Variants in ALK observed in about 807,000 individuals in gnomAD.
ALK encodes the protein ALK receptor tyrosine kinase.
ALK carries 74 observed loss-of-function variants against 163.1 expected under a neutral mutation model. The observed-to-expected ratio is 0.45, with a 90% CI of 0.38 to 0.55. The LOEUF is 0.55. Among genes scored for constraint, ALK ranks in the 20% least tolerant of loss-of-function variants. The pLI, the probability that ALK is intolerant of heterozygous loss-of-function variation, is 0.00. For missense variants in ALK, 2,063 were observed against 2,105.3 expected, an observed-to-expected ratio of 0.98 and a Z score of 0.39; for synonymous variants, 960 against 843.2, an observed-to-expected ratio of 1.14 and a Z score of -2.40.
chr2:29,647,114 C>T (rs1046976892), intron 3 of ALK, among the ~76,000 whole-genome samples: 1 of 152,146 alleles, frequency 6.6e-6, no homozygotes, highest in Non-Finnish European at 1.5e-5. Flanking sequence ...TCACATTCTT[C>T]TGGGCTTGGC....
intron 4 of ALK, among the ~76,000 whole-genome samples, chr2:29,445,895 C>G (rs1356340102): frequency 6.7e-6 from 1 of 150,284 alleles, no homozygotes; most frequent in African/African-American, 2.5e-5. Context: ...GTCAGGAGAT[C>G]GAGACCATCC....
chr2:29,425,963 C>A (rs1284484531), intron 4 of ALK, among the ~76,000 whole-genome samples: 1 of 152,108 alleles, frequency 6.6e-6, no homozygotes, highest in African/African-American at 2.4e-5. Context: ...TGAGAAAAAA[C>A]CTTCAAAGAG....
At chr2:29,847,901 T>G (rs1273337635) in intron 1 of ALK, among the ~76,000 whole-genome samples, 1 of 148,346 alleles carries the variant, frequency 6.7e-6, no homozygotes, top group Non-Finnish European at 1.5e-5. Flanking sequence ...GTGGGGGAGG[T>G]GTAAGAAGGA....
chr2:29,247,961 T>G (rs1664726838), intron 12 of ALK, among the ~76,000 whole-genome samples: 1 of 152,170 alleles, frequency 6.6e-6, no homozygotes, highest in African/African-American at 2.4e-5. Flanking sequence ...AAAAAGTCTT[T>G]CAGAGAAAGG....
chr2:29,574,552 G>C (rs567867280), intron 3 of ALK, among the ~76,000 whole-genome samples: 1 of 152,348 alleles, frequency 6.6e-6, no homozygotes, highest in African/African-American at 2.4e-5. Flanking sequence ...TCATATTTCA[G>C]CTTCCAAACA....
intron 4 of ALK, among the ~76,000 whole-genome samples, chr2:29,409,345 G>A (rs1218031902): frequency 1.3e-5 from 2 of 152,136 alleles, no homozygotes; most frequent in Non-Finnish European, 2.9e-5. Flanking sequence ...TCTCTGCAGA[G>A]AGCTTGTTCA....
chr2:29,735,901 G>C (rs1269237155), intron 1 of ALK, among the ~76,000 whole-genome samples: 1 of 151,948 alleles, frequency 6.6e-6, no homozygotes, highest in African/African-American at 2.4e-5. Flanking sequence ...ACCCAGTCTG[G>C]GGCAGTTCTT....
intron 4 of ALK, among the ~76,000 whole-genome samples, chr2:29,460,955 G>A (rs1026636242): frequency 3.3e-5 from 5 of 152,164 alleles, no homozygotes; most frequent in African/African-American, 1.2e-4. Context: ...AAAGTTCTTG[G>A]AGGACTTTTA....
rs369125528 is a variant in ALK at position 29,690,152 on chromosome 2, A to C, written c.952+4698T>G. ...TGAATGACCCCATTCTGCTGTTGCAATACCCTAGTCATGTGTGAAAGCATC... is the reference window on the plus strand; with the variant it reads ...TGAATGACCCCATTCTGCTGTTGCACTACCCTAGTCATGTGTGAAAGCATC... On this transcript the variant is annotated intron_variant, in intron 3 of 28. Transcript: ENST00000389048. 4.4e-4 allele frequency among the ~76,000 whole-genome samples: 67 copies of C among 152,320 alleles called. 2 individuals are homozygous for C. The South Asian group carries it at 0.01, about 24-fold the overall frequency.
At chr2:29,434,325 T>C (rs80136683) in intron 4 of ALK, among the ~76,000 whole-genome samples, 2,164 of 152,320 alleles carry the variant, frequency 0.014, 30 homozygotes, top group African/African-American at 0.05. Context: ...TTGAGGATAG[T>C]TCATTCCTTT....
In ALK at chr2:29,523,858, GTTTTT is replaced by G. The variant is rs58587837; in HGVS notation, c.1154+8052_1154+8056del. ...AGGTCAGAACTGGCAGAAGCTGAAG[GTTTTT>G]TTTTTTTTTTTTTTTTTTTTTTTTT... On this transcript the variant is annotated intron_variant, in intron 4 of 28. Transcript: ENST00000389048. 1.4e-3 allele frequency among the ~76,000 whole-genome samples: 160 copies of G among 110,942 alleles called. 10 individuals carry two copies. Among genetic ancestry groups the G allele is most frequent in the East Asian group, 4.3e-3 (16 of 3,728 alleles). The allele number at this position is 110,942 out of a possible 152,430, so 72.8% of individuals were successfully genotyped here.
chr2:29,911,989 TAAATAATTATATC>T (rs1667715115), intron 1 of ALK, among the ~76,000 whole-genome samples: 1 of 152,040 alleles, frequency 6.6e-6, no homozygotes, highest in Admixed American at 6.6e-5. Context: ...ATATCTAAAG[TAAATAATTATATC>T]AGAATGGAGA....
At chr2:29,453,410 T>C (rs1357509340) in intron 4 of ALK, among the ~76,000 whole-genome samples, 1 of 151,984 alleles carries the variant, frequency 6.6e-6, no homozygotes, top group Non-Finnish European at 1.5e-5. Context: ...TTTTTTTTAA[T>C]TTTTTGGTAG....
intron 4 of ALK, among the ~76,000 whole-genome samples, chr2:29,448,842 C>T (rs1172331976): frequency 1.3e-5 from 2 of 152,174 alleles, no homozygotes; most frequent in Admixed American, 6.5e-5. Context: ...CACCTGAATC[C>T]TCTTAGAAAA....
At chr2:29,406,407 C>T (rs912517749) in intron 4 of ALK, among the ~76,000 whole-genome samples, 12 of 152,158 alleles carry the variant, frequency 7.9e-5, no homozygotes, top group African/African-American at 2.7e-4. Flanking sequence ...TGAGAATCTA[C>T]GAGGCTATGA....
chr2:29,193,793 G>A lies in ALK; in HGVS notation c.4294C>T (p.Arg1432Trp), dbSNP rs1668950917. 1.3e-6 allele frequency: 2 copies of A among 1,595,692 alleles called. No homozygotes were observed. The highest frequency in any genetic ancestry group is 1.1e-5 in the South Asian group (1 of 88,434). ...PPLLVSQQAK[R>W]EEERSPAAPP... ...GCAGCTGGGCTGCGCTCCTCCTCCC[G>A]TTTTGCCTGTTGAGAGACCAGGAGA... is the stretch of plus-strand genomic sequence containing the variant. The change falls in exon 29 of 29, where the codon CGG (arginine) becomes TGG (tryptophan). Residue 1432 changes from arginine (R) to tryptophan (W), a missense_variant. By Grantham distance (101) the Arg-to-Trp change is moderately radical (BLOSUM62 -3). Transcript: ENST00000389048.
intron 4 of ALK, among the ~76,000 whole-genome samples, chr2:29,519,730 G>A (rs969660261): frequency 6.6e-6 from 1 of 152,152 alleles, no homozygotes; most frequent in Non-Finnish European, 1.5e-5. Flanking sequence ...AAGCTCCCAG[G>A]GCAGGTGACC....
chr2:29,668,682 G>C lies in ALK; in HGVS notation c.952+26168C>G, dbSNP rs1677590676. On this transcript the variant is annotated intron_variant, in intron 3 of 28. Coordinates refer to ENST00000389048, the MANE Select transcript of ALK (RefSeq NM_004304.5). ...GGCCTAACATATGATCTATTCTGGA[G>C]AATATTCCACGTGTTGATTAGTTTA... Among the ~76,000 whole-genome samples, 3 of 152,100 alleles carry C rather than the reference G, an allele frequency of 2.0e-5. No individual in the cohort carries two copies. In the South Asian group the frequency reaches 6.2e-4, roughly 31 times the overall value.
chr2:29,447,832 A>G (rs1305878760), intron 4 of ALK, among the ~76,000 whole-genome samples: 2 of 152,076 alleles, frequency 1.3e-5, no homozygotes, highest in African/African-American at 2.4e-5. Flanking sequence ...AACTTTTCCC[A>G]ATCTCTTTGC....
Sources: gnomAD v4.1 joint callset for allele counts (sites outside exome capture counted in the v4.1 genomes callset) on GRCh38, gnomAD v4.1.1 for gene constraint, MANE v1.5 for transcripts, NCBI Gene and HGNC (gene_info 2026-07-23, HGNC 2026-07-21) for gene names.